DLGAP2: variants seen among roughly 807,000 people sequenced by gnomAD.
DLGAP2 encodes the protein disks large-associated protein 2.
DLGAP2 carries 26 observed loss-of-function variants against 100.3 expected under a neutral mutation model. The observed-to-expected ratio is 0.26, with a 90% CI of 0.19 to 0.36. DLGAP2 has a LOEUF of 0.36. Among genes scored for constraint, DLGAP2 ranks in the 10% least tolerant of loss-of-function variants. The pLI is 1.00. For missense variants in DLGAP2, 1,858 were observed against 1,453.2 expected, an observed-to-expected ratio of 1.28 and a Z score of -4.53; for synonymous variants, 886 against 630.1, an observed-to-expected ratio of 1.41 and a Z score of -6.08.
intron 3 of DLGAP2, among the ~76,000 whole-genome samples, chr8:1,420,045 C>T (rs1038774470): frequency 2.0e-5 from 3 of 152,180 alleles, no homozygotes; most frequent in Non-Finnish European, 4.4e-5. Flanking sequence ...GTTACATAAG[C>T]ACAGTGAATT....
intron 1 of DLGAP2, among the ~76,000 whole-genome samples, chr8:888,590 T>A (rs1797968515): frequency 6.6e-6 from 1 of 152,086 alleles, no homozygotes; most frequent in South Asian, 2.1e-4. Context: ...GTTTATGCTG[T>A]TGTCACTTTC....
chr8:1,040,412 G>GTGTGCGTGGTCGGCTCAA (rs1368062322), intron 2 of DLGAP2, among the ~76,000 whole-genome samples: 1 of 148,334 alleles, frequency 6.7e-6, no homozygotes, highest in South Asian at 2.2e-4. Flanking sequence ...GGTCGGCTCG[G>GTGTGCGTGGTCGGCTCAA]TGTGCGTGGT....
chr8:1,254,756 G>T (rs1159419846), intron 2 of DLGAP2, among the ~76,000 whole-genome samples: 1 of 152,182 alleles, frequency 6.6e-6, no homozygotes, highest in African/African-American at 2.4e-5. Context: ...CCGAGTGAGT[G>T]TGCAGAGTTG....
intron 1 of DLGAP2, among the ~76,000 whole-genome samples, chr8:808,468 C>T (rs534430180): frequency 4.6e-5 from 7 of 152,290 alleles, no homozygotes; most frequent in African/African-American, 1.4e-4. Flanking sequence ...AAGGACATTC[C>T]ACCCCAAAAG....
intron 2 of DLGAP2, among the ~76,000 whole-genome samples, chr8:1,206,973 T>C (rs1472805903): frequency 6.6e-6 from 1 of 152,050 alleles, no homozygotes; most frequent in Non-Finnish European, 1.5e-5. Context: ...CGGTGAAACT[T>C]CCTGCCCACC....
intron 1 of DLGAP2, among the ~76,000 whole-genome samples, chr8:838,572 G>C (rs1365037262): frequency 2.0e-5 from 3 of 151,866 alleles, no homozygotes; most frequent in Non-Finnish European, 4.4e-5. Context: ...ATTAATTATA[G>C]ATCCAGTGGA....
At chr8:762,212 C>A (rs1345900319) in intron 1 of DLGAP2, among the ~76,000 whole-genome samples, 4 of 152,078 alleles carry the variant, frequency 2.6e-5, no homozygotes, top group Non-Finnish European at 5.9e-5. Flanking sequence ...AATATTCATC[C>A]GTGGGAGAAA....
intron 3 of DLGAP2, among the ~76,000 whole-genome samples, chr8:1,438,475 T>C (rs929677789): frequency 6.6e-6 from 1 of 151,746 alleles, no homozygotes; most frequent in African/African-American, 2.4e-5. Flanking sequence ...CAAAGAGCTG[T>C]GGCTTTTTAA....
intron 1 of DLGAP2, among the ~76,000 whole-genome samples, chr8:864,142 G>C (rs1488991879): frequency 6.6e-6 from 1 of 152,138 alleles, no homozygotes; most frequent in African/African-American, 2.4e-5. Context: ...AATCTCAGCA[G>C]ATCTCACAGG....
At chr8:886,535 G>T (rs1439318536) in intron 1 of DLGAP2, among the ~76,000 whole-genome samples, 4 of 152,118 alleles carry the variant, frequency 2.6e-5, no homozygotes, top group Non-Finnish European at 4.4e-5. Context: ...TCTTAACACT[G>T]CTTTAGCTGT....
At chr8:1,377,263 G>C (rs947527994) in intron 3 of DLGAP2, among the ~76,000 whole-genome samples, 1 of 152,168 alleles carries the variant, frequency 6.6e-6, no homozygotes, top group African/African-American at 2.4e-5. Flanking sequence ...ACAGGTCTTC[G>C]GCCGAGCGCA....
At chr8:1,473,009 C>A (rs1329810596) in intron 3 of DLGAP2, among the ~76,000 whole-genome samples, 3 of 152,156 alleles carry the variant, frequency 2.0e-5, no homozygotes, top group Non-Finnish European at 4.4e-5. Context: ...CAGCTCACTG[C>A]AACCTCCGCC....
At chr8:1,117,357 G>T (rs112141257) in intron 2 of DLGAP2, among the ~76,000 whole-genome samples, 24 of 152,342 alleles carry the variant, frequency 1.6e-4, no homozygotes, top group African/African-American at 5.5e-4. Flanking sequence ...GACGATGCAC[G>T]GTCTTCTTTG....
chr8:1,474,791 C>T (rs139495318), intron 3 of DLGAP2, among the ~76,000 whole-genome samples: 6 of 152,198 alleles, frequency 3.9e-5, no homozygotes, highest in Non-Finnish European at 1.5e-5. Context: ...TGCGAGCGTA[C>T]ATTGGTTCAG....
intron 2 of DLGAP2, among the ~76,000 whole-genome samples, chr8:999,936 T>G (rs1800897820): frequency 6.6e-6 from 1 of 150,546 alleles, no homozygotes; most frequent in Non-Finnish European, 1.5e-5. Context: ...GTGGTTTTCT[T>G]TTGCACTGGA....
At chr8:1,360,961 A>T (rs1801970423) in intron 3 of DLGAP2, among the ~76,000 whole-genome samples, 1 of 152,216 alleles carries the variant, frequency 6.6e-6, no homozygotes, top group Non-Finnish European at 1.5e-5. Context: ...CGAGTGTCTA[A>T]AAGGGAAGTG....
intron 1 of DLGAP2, among the ~76,000 whole-genome samples, chr8:788,444 G>C (rs138787637): frequency 6.6e-6 from 1 of 152,312 alleles, no homozygotes; most frequent in East Asian, 1.9e-4. Flanking sequence ...GTGTCCACGT[G>C]GTCTGGTCAG....
chr8:1,197,066 G>A (rs573498785), intron 2 of DLGAP2, among the ~76,000 whole-genome samples: 68 of 152,266 alleles, frequency 4.5e-4, no homozygotes, highest in African/African-American at 1.5e-3. Context: ...CAAGAAGAAG[G>A]AACAAATTCT....
chr8:1,129,892 C>T (rs975968219), intron 2 of DLGAP2, among the ~76,000 whole-genome samples: 7 of 152,184 alleles, frequency 4.6e-5, no homozygotes, highest in Non-Finnish European at 7.3e-5. Context: ...AGCCTGGATT[C>T]ATGGCTGGGA....
Sources: gnomAD v4.1 joint callset for allele counts (sites outside exome capture counted in the v4.1 genomes callset) on GRCh38, gnomAD v4.1.1 for gene constraint, MANE v1.5 for transcripts, NCBI Gene and HGNC (gene_info 2026-07-23, HGNC 2026-07-21) for gene names.